GRIP1: variants seen among roughly 807,000 people sequenced by gnomAD.
GRIP1 encodes glutamate receptor-interacting protein 1.
A neutral mutation model predicts 129.9 loss-of-function variants in GRIP1; 45 were observed. That is an observed-to-expected ratio of 0.35 (90% CI 0.27 to 0.44). The LOEUF is 0.44. GRIP1 is among the 20% of genes least tolerant of loss of function. The pLI is 1.00. For synonymous variants in GRIP1, 530 were observed against 520.8 expected (o/e 1.02, Z -0.24); for missense variants, 1,196 against 1,396.8 (o/e 0.86, Z 2.29).
chr12:66,743,645 C>T (rs992454461), intron 1 of GRIP1, among the ~76,000 whole-genome samples: 2 of 151,792 alleles, frequency 1.3e-5, no homozygotes, highest in African/African-American at 4.8e-5. Flanking sequence ...GGATCCTGTC[C>T]TGGAGTGTCT....
chr12:66,940,617 T>G (rs1309252880), intron 1 of GRIP1, among the ~76,000 whole-genome samples: 1 of 152,228 alleles, frequency 6.6e-6, no homozygotes, highest in East Asian at 1.9e-4. Flanking sequence ...AAAAGTTAAC[T>G]ACTTGAGGAT....
intron 5 of GRIP1, among the ~76,000 whole-genome samples, chr12:66,523,174 G>C (rs2061085904): frequency 6.6e-6 from 1 of 151,096 alleles, no homozygotes; most frequent in Admixed American, 6.6e-5. Flanking sequence ...AGGAAATACA[G>C]AGAACACCAC....
At chr12:66,557,804 G>T (rs2062385849) in intron 2 of GRIP1, among the ~76,000 whole-genome samples, 2 of 152,042 alleles carry the variant, frequency 1.3e-5, no homozygotes, top group Non-Finnish European at 2.9e-5. Flanking sequence ...AAACCTATGG[G>T]ATACAGCAAA....
At chr12:66,410,166 C>T (rs541618899) in intron 15 of GRIP1, among the ~76,000 whole-genome samples, 4 of 133,664 alleles carry the variant, frequency 3.0e-5, no homozygotes, top group Admixed American at 2.5e-4. Flanking sequence ...AGGAGAATGG[C>T]GTGAACCCGG....
chr12:66,628,324 C>T (rs1002288946), intron 1 of GRIP1, among the ~76,000 whole-genome samples: 6 of 152,152 alleles, frequency 3.9e-5, no homozygotes, highest in Admixed American at 1.3e-4. Context: ...CCTTGAGTTC[C>T]CCTGTGTACC....
chr12:66,616,558 C>G (rs969440534), intron 1 of GRIP1, among the ~76,000 whole-genome samples: 1 of 152,098 alleles, frequency 6.6e-6, no homozygotes, highest in Non-Finnish European at 1.5e-5. Flanking sequence ...ACACTCATGA[C>G]AGGCCTTATG....
intron 1 of GRIP1, among the ~76,000 whole-genome samples, chr12:66,840,221 G>C (rs181784227): frequency 2.8e-4 from 43 of 152,042 alleles, no homozygotes; most frequent in African/African-American, 9.2e-4. Context: ...ATAATAATAG[G>C]CTTCTGATAT....
chr12:66,446,836 A>G (rs1370005861), intron 11 of GRIP1, among the ~76,000 whole-genome samples: 1 of 152,092 alleles, frequency 6.6e-6, no homozygotes, highest in Non-Finnish European at 1.5e-5. Flanking sequence ...GGTGGTCTCC[A>G]TCTTCCTTCA....
rs142442317 is a variant in GRIP1, at chr12:66,737,551, G to T, written c.-420+66502C>A. Among the ~76,000 whole-genome samples the T allele has an allele frequency of 2.2e-3, 340 of 152,218 alleles. 3 individuals are homozygous for T. Among genetic ancestry groups the T allele is most frequent in the African/African-American group, 7.2e-3 (298 of 41,524 alleles). On this transcript the variant is annotated intron_variant, in intron 1 of 4. Coordinates refer to the GRIP1 transcript ENST00000538373. ...TCTGCCTTGGCCTCCCAAAGTGCTA[G>T]GATTACAGGCATGAGCTCACCTCAG... is the stretch of plus-strand genomic sequence containing the variant.
At chr12:66,995,114 T>C (rs2042448050) in intron 1 of GRIP1, among the ~76,000 whole-genome samples, 1 of 151,742 alleles carries the variant, frequency 6.6e-6, no homozygotes, top group Admixed American at 6.6e-5. Context: ...TTTCAACAAA[T>C]GGTTCTAGTA....
chr12:67,041,169 C>A lies in GRIP1; in HGVS notation c.58+27881G>T, dbSNP rs922957608. Among the ~76,000 whole-genome samples, 19 of 151,982 alleles carry A rather than the reference C, an allele frequency of 1.3e-4. No individual in the cohort carries two copies. The East Asian group carries it at 1.7e-3, about 14-fold the overall frequency. On this transcript the variant is annotated intron_variant, in intron 1 of 1. Coordinates refer to the GRIP1 transcript ENST00000643019. ...AATCTCTCTCTTTCTCTCTCTCTCT[C>A]TATATGTACACATATACAAATATAC...
intron 1 of GRIP1, among the ~76,000 whole-genome samples, chr12:66,728,007 GTTAA>G (rs539830819): frequency 7.9e-5 from 12 of 152,274 alleles, no homozygotes; most frequent in Middle Eastern, 3.4e-3. Context: ...ATTCAAAAAT[GTTAA>G]TTAAAGTTTG....
chr12:66,998,698 G>T (rs545391312), intron 1 of GRIP1, among the ~76,000 whole-genome samples: 1 of 152,208 alleles, frequency 6.6e-6, no homozygotes, highest in Non-Finnish European at 1.5e-5. Flanking sequence ...CATCAGATCA[G>T]GCCCATATTC....
At chr12:66,500,275 C>G (rs1316799205) in intron 7 of GRIP1, among the ~76,000 whole-genome samples, 1 of 152,162 alleles carries the variant, frequency 6.6e-6, no homozygotes, top group Admixed American at 6.6e-5. Context: ...AGCCAGGAAA[C>G]AAATCTGAGT....
intron 11 of GRIP1, among the ~76,000 whole-genome samples, chr12:66,451,728 T>A (rs2058812900): frequency 6.6e-6 from 1 of 152,146 alleles, no homozygotes; most frequent in South Asian, 2.1e-4. Flanking sequence ...CTCACTAAAG[T>A]GTCCCACACT....
intron 1 of GRIP1, among the ~76,000 whole-genome samples, chr12:67,044,447 C>G (rs982057358): frequency 6.6e-6 from 1 of 152,144 alleles, no homozygotes; most frequent in African/African-American, 2.4e-5. Flanking sequence ...CTCTCACCTT[C>G]TATAGAAAAT....
chr12:66,557,820 C>A (rs1203193116), intron 2 of GRIP1, among the ~76,000 whole-genome samples: 5 of 152,056 alleles, frequency 3.3e-5, no homozygotes, highest in Non-Finnish European at 2.9e-5. Context: ...GCAAAAGCAG[C>A]ACTAAGAGGG....
At chr12:66,415,350 C>T (rs1484848686) in intron 15 of GRIP1, among the ~76,000 whole-genome samples, 1 of 152,094 alleles carries the variant, frequency 6.6e-6, no homozygotes, top group Admixed American at 6.6e-5. Flanking sequence ...TAGAGAAATA[C>T]AAATTGAAAT....
At chr12:66,972,898 A>G (rs1294397998) in intron 1 of GRIP1, among the ~76,000 whole-genome samples, 2 of 152,198 alleles carry the variant, frequency 1.3e-5, no homozygotes, top group Non-Finnish European at 2.9e-5. Flanking sequence ...GGCCGCCTTC[A>G]CATTCTCAAA....
Sources: gnomAD v4.1 joint callset for allele counts (sites outside exome capture counted in the v4.1 genomes callset) on GRCh38, gnomAD v4.1.1 for gene constraint, MANE v1.5 for transcripts, NCBI Gene and HGNC (gene_info 2026-07-23, HGNC 2026-07-21) for gene names.